Variants in TENM1 observed in about 807,000 individuals in gnomAD.
TENM1 encodes teneurin transmembrane protein 1.
A neutral mutation model predicts 174.8 loss-of-function variants in TENM1; 35 were observed. That is an observed-to-expected ratio of 0.20 (90% CI 0.15 to 0.27). The LOEUF (loss-of-function observed/expected upper bound fraction) is 0.27. TENM1 is among the 10% of genes least tolerant of loss of function. TENM1 has a pLI of 1.00. For synonymous variants in TENM1, 781 were observed against 798.7 expected (o/e 0.98, Z 0.37); for missense variants, 1,633 against 2,130.1 (o/e 0.77, Z 4.59).
At chrX:124,533,494 G>C (rs1364446376) in intron 15 of TENM1, among the ~76,000 whole-genome samples, 1 of 110,590 alleles carries the variant, frequency 9.0e-6, no homozygotes, top group Non-Finnish European at 1.9e-5. Context: ...GTGCCTCCCT[G>C]TTTCCTCTTC....
intron 3 of TENM1, among the ~76,000 whole-genome samples, chrX:124,842,947 G>A (rs956882496): frequency 9.0e-6 from 1 of 111,135 alleles, no homozygotes; most frequent in Non-Finnish European, 1.9e-5. Flanking sequence ...ACATTATACC[G>A]TTAGTCATTC....
the TENM1 span, among the ~76,000 whole-genome samples, chrX:125,200,171 C>T: frequency 9.0e-6 from 1 of 111,217 alleles, no homozygotes; most frequent in Admixed American, 9.6e-5. Context: ...CAATGGAAAA[C>T]AGAAAGGAAT....
At chrX:124,466,841 C>T (rs926537102) in intron 22 of TENM1, among the ~76,000 whole-genome samples, 4 of 111,490 alleles carry the variant, frequency 3.6e-5, no homozygotes, top group Non-Finnish European at 7.5e-5. Context: ...TTTTACTTTG[C>T]TCAAGAGAAC....
intron 3 of TENM1, among the ~76,000 whole-genome samples, chrX:124,834,821 T>C (rs1454661801): frequency 1.8e-5 from 2 of 112,302 alleles, no homozygotes; most frequent in African/African-American, 3.2e-5. Context: ...TATTTCTCAT[T>C]TGAGCCAATG....
At chrX:125,073,733 C>A in the TENM1 span, among the ~76,000 whole-genome samples, 1,849 of 110,975 alleles carry the variant, frequency 0.017, 37 homozygotes, top group African/African-American at 0.057. Flanking sequence ...AGGTTCCTGT[C>A]CAGTTTTTCA....
intron 3 of TENM1, among the ~76,000 whole-genome samples, chrX:124,860,499 C>T (rs1036547793): frequency 8.1e-5 from 9 of 111,759 alleles, no homozygotes; most frequent in African/African-American, 2.9e-4. Flanking sequence ...TCTCTTCTCT[C>T]TCATGCTGTC....
chrX:124,599,261 ACT>A (rs1315463861), intron 11 of TENM1, among the ~76,000 whole-genome samples: 1 of 111,045 alleles, frequency 9.0e-6, no homozygotes, highest in Non-Finnish European at 1.9e-5. Context: ...GGCATGTGCA[ACT>A]CTCTGGGTGT....
the TENM1 span, among the ~76,000 whole-genome samples, chrX:125,202,474 C>A: frequency 8.9e-6 from 1 of 112,115 alleles, no homozygotes; most frequent in Non-Finnish European, 1.9e-5. Flanking sequence ...CTCAAAAACA[C>A]CTCCAGGTTG....
intron 1 of TENM1, among the ~76,000 whole-genome samples, chrX:124,902,243 T>C (rs746696404): frequency 8.9e-6 from 1 of 112,336 alleles, no homozygotes; most frequent in South Asian, 3.7e-4. Context: ...AGGAGCCATT[T>C]ATACTTCTTT....
chrX:125,075,798 A>C, the TENM1 span, among the ~76,000 whole-genome samples: 1 of 111,453 alleles, frequency 9.0e-6, no homozygotes, highest in African/African-American at 3.3e-5. Flanking sequence ...AATGGCTTAC[A>C]GTATTTCCAC....
At chrX:124,775,544 GA>G (rs1197698942) in intron 3 of TENM1, among the ~76,000 whole-genome samples, 1 of 111,780 alleles carries the variant, frequency 8.9e-6, no homozygotes, top group African/African-American at 3.3e-5. Context: ...AAGGTTTCTG[GA>G]AAAGATTATC....
the TENM1 span, among the ~76,000 whole-genome samples, chrX:125,000,628 T>G: frequency 4.5e-5 from 5 of 112,122 alleles, no homozygotes; most frequent in Non-Finnish European, 9.4e-5. Flanking sequence ...CACAGAATGC[T>G]AAACTGCATG....
intron 28 of TENM1, among the ~76,000 whole-genome samples, chrX:124,390,847 CAA>C (rs766017018): frequency 1.8e-5 from 2 of 112,130 alleles, no homozygotes; most frequent in East Asian, 5.6e-4. Context: ...TACCAAAATT[CAA>C]AAGAGGAAAG....
At chrX:124,511,294 C>G (rs1159169579) in intron 18 of TENM1, among the ~76,000 whole-genome samples, 1 of 111,946 alleles carries the variant, frequency 8.9e-6, no homozygotes. Context: ...AATCTCATAT[C>G]CTTGGCACTG....
At chrX:124,780,639 T>C (rs751650211) in intron 3 of TENM1, among the ~76,000 whole-genome samples, 8 of 111,730 alleles carry the variant, frequency 7.2e-5, no homozygotes, top group Non-Finnish European at 1.1e-4. Flanking sequence ...ATTATTTCAC[T>C]ACCTCTGTTA....
the TENM1 span, among the ~76,000 whole-genome samples, chrX:125,035,903 A>G: frequency 9.0e-6 from 1 of 110,864 alleles, no homozygotes; most frequent in Admixed American, 9.6e-5. Flanking sequence ...CATCAGAAAC[A>G]ATAGCATGTC....
At chrX:124,779,833 A>G (rs894286228) in intron 3 of TENM1, among the ~76,000 whole-genome samples, 2 of 111,797 alleles carry the variant, frequency 1.8e-5, no homozygotes, top group Admixed American at 9.5e-5. Context: ...AGTTGATACT[A>G]TTCTCATTTT....
chrX:124,746,272 T>C (rs1603115419), intron 3 of TENM1, among the ~76,000 whole-genome samples: 1 of 112,018 alleles, frequency 8.9e-6, no homozygotes, highest in East Asian at 2.8e-4. Flanking sequence ...ATTATTCACA[T>C]TCCTAACAGC....
At chrX:124,985,782 T>C in the TENM1 span, among the ~76,000 whole-genome samples, 1 of 111,964 alleles carries the variant, frequency 8.9e-6, no homozygotes. Context: ...GCAATGTAAT[T>C]AATGTTTGGG....
Sources: gnomAD v4.1 joint callset for allele counts (sites outside exome capture counted in the v4.1 genomes callset) on GRCh38, gnomAD v4.1.1 for gene constraint, MANE v1.5 for transcripts, NCBI Gene and HGNC (gene_info 2026-07-23, HGNC 2026-07-21) for gene names.